The following PHYHD1 variants were observed in gnomAD, a reference collection of about 807,000 sequenced individuals.
PHYHD1 encodes the protein phytanoyl-CoA dioxygenase domain containing 1.
Under a neutral mutation model 43.6 loss-of-function variants are expected in PHYHD1, and 42 were observed. The observed-to-expected ratio is 0.96, with a 90% CI of 0.75 to 1.25. PHYHD1 has a LOEUF of 1.25. Ranked by LOEUF, PHYHD1 falls within the 50% of genes most tolerant of loss-of-function variation. PHYHD1 has a pLI of 0.00. For synonymous variants in PHYHD1, 139 were observed against 143.6 expected (o/e 0.97, Z 0.23); for missense variants, 342 against 370.8 (o/e 0.92, Z 0.64).
chr9:128,935,480 C>T (rs563856282), intron 6 of PHYHD1, among the ~76,000 whole-genome samples: 15 of 148,674 alleles, frequency 1.0e-4, no homozygotes, highest in Admixed American at 2.1e-4. Context: ...AAAAATTAGC[C>T]GGACCTTGTT....
intron 6 of PHYHD1, among the ~76,000 whole-genome samples, chr9:128,934,916 C>T (rs969524110): frequency 2.0e-5 from 3 of 152,124 alleles, no homozygotes; most frequent in Non-Finnish European, 4.4e-5. Flanking sequence ...AGGGGGTCCA[C>T]CTGATCCCCC....
chr9:128,933,894 T>A (rs1473612203), intron 5 of PHYHD1, 37 bp downstream of exon 5: 2 of 1,608,818 alleles, frequency 1.2e-6, no homozygotes, highest in Non-Finnish European at 1.7e-6. Context: ...GGAGGAGCCA[T>A]GGTGAGGGTA....
chr9:128,928,428 C>T (rs562457546), intron 4 of PHYHD1, among the ~76,000 whole-genome samples: 4 of 152,044 alleles, frequency 2.6e-5, no homozygotes, highest in Admixed American at 6.6e-5. Flanking sequence ...ATTGGCCGGG[C>T]GCAGTGACTC....
At chr9:128,930,367 G>C (rs1049123503) in intron 4 of PHYHD1, among the ~76,000 whole-genome samples, 8 of 151,812 alleles carry the variant, frequency 5.3e-5, no homozygotes, top group Non-Finnish European at 8.8e-5. Context: ...CCTGAGCTCA[G>C]GAAGTCAAGG....
chr9:128,930,913 C>T (rs1303754351), intron 4 of PHYHD1, among the ~76,000 whole-genome samples: 2 of 148,012 alleles, frequency 1.4e-5, no homozygotes, highest in African/African-American at 5.0e-5. Context: ...TGGGTCACTG[C>T]ACTCCAGCCT....
intron 6 of PHYHD1, 119 bp from the exon 7 acceptor site, chr9:128,936,329 G>C (rs1354155746): frequency 7.3e-7 from 1 of 1,377,492 alleles, no homozygotes; most frequent in Non-Finnish European, 1.0e-6. Context: ...AAGCAGAAGG[G>C]TTAATGCCTA....
intron 2 of PHYHD1, 75 bp from the exon 3 acceptor site, chr9:128,922,208 T>A: frequency 7.9e-7 from 1 of 1,267,812 alleles, no homozygotes; most frequent in South Asian, 1.3e-5. Flanking sequence ...GAGGGTTGGG[T>A]GGTGGGACCG....
At chr9:128,937,321 C>T (rs966344314) in intron 8 of PHYHD1, among the ~76,000 whole-genome samples, 4 of 152,214 alleles carry the variant, frequency 2.6e-5, no homozygotes, top group Middle Eastern at 3.4e-3. Flanking sequence ...AGGCCTCCCT[C>T]GGCCTTCCTC....
intron 4 of PHYHD1, among the ~76,000 whole-genome samples, chr9:128,928,090 C>T (rs1841181910): frequency 6.6e-6 from 1 of 152,242 alleles, no homozygotes; most frequent in Admixed American, 6.5e-5. Flanking sequence ...CTGGCACTCA[C>T]GCCGAGGAGC....
At chr9:128,928,513 G>A (rs1366083503) in intron 4 of PHYHD1, among the ~76,000 whole-genome samples, 4 of 151,968 alleles carry the variant, frequency 2.6e-5, no homozygotes, top group African/African-American at 9.7e-5. Context: ...GACTAGCCTG[G>A]CCAACATGGT....
intron 9 of PHYHD1, among the ~76,000 whole-genome samples, chr9:128,939,603 A>G (rs1449627853): frequency 1.6e-5 from 2 of 123,796 alleles, no homozygotes; most frequent in African/African-American, 2.6e-5. Flanking sequence ...TAATAATAAT[A>G]ATAAAGAAAT....
At chr9:128,940,814 G>A (rs1841540435) in intron 11 of PHYHD1, 99 bp downstream of exon 11, 6 of 1,217,530 alleles carry the variant, frequency 4.9e-6, no homozygotes, top group Non-Finnish European at 6.9e-6. Context: ...GGGGTCATCT[G>A]AGGGCAGTGA....
At chr9:128,935,442 G>T (rs1841399667) in intron 6 of PHYHD1, among the ~76,000 whole-genome samples, 1 of 150,904 alleles carries the variant, frequency 6.6e-6, no homozygotes, top group Non-Finnish European at 1.5e-5. Context: ...GGCTAACACA[G>T]TGAAACCCTG....
chr9:128,921,943 G>A lies in PHYHD1; in HGVS notation c.-146G>A. 1 of 271,954 alleles carries A rather than the reference G, an allele frequency of 3.7e-6. No individual in the cohort carries two copies. The highest frequency in any genetic ancestry group is 7.0e-6 in the Non-Finnish European group (1 of 142,536). The allele number at this position is 271,954 out of a possible 1,614,324, so 16.8% of individuals were successfully genotyped here. On this transcript the variant is annotated 5_prime_UTR_variant, in exon 2 of 13. Transcript: ENST00000372592. The stretch of plus-strand genomic sequence containing the variant: ...CATTCTATCCAGATTGAGGCCTAGA[G>A]AGAGGCAGGCGTTCCTCAGAGTCAC...
intron 9 of PHYHD1, 192 bp downstream of exon 9, chr9:128,937,970 T>C (rs981027638): frequency 7.5e-6 from 11 of 1,466,930 alleles, no homozygotes; most frequent in South Asian, 2.8e-5. Context: ...GTCCTTGGCA[T>C]AGTGGGTCCT....
In PHYHD1 at chr9:128,923,413, C is replaced by T. The variant is rs193011908; in HGVS notation, c.33+1057C>T. On this transcript the variant is annotated intron_variant, in intron 3 of 12. Transcript: ENST00000372592. ...AATAAAGGAGGCTGTACTGCTATCC[C>T]CGTTTGGTAGCCCGAGGGCCAGAGA... Among the ~76,000 whole-genome samples the T allele has an allele frequency of 6.6e-4, 100 of 152,306 alleles. 1 individual carries two copies. The highest frequency in any genetic ancestry group is 2.2e-3 in the African/African-American group (93 of 41,584).
chr9:128,923,239 C>G lies in PHYHD1; in HGVS notation c.33+883C>G, dbSNP rs141759172. Among the ~76,000 whole-genome samples, 1,141 of 152,202 alleles carry G rather than the reference C, an allele frequency of 7.5e-3. 8 individuals are homozygous for G. Among genetic ancestry groups the G allele is most frequent in the Middle Eastern group, 0.02 (6 of 294 alleles). ...GATTACAGGCGTGAGCCACCGTGCC[C>G]GGTCCTATTTTTATTTTTGCAGAGA... On this transcript the variant is annotated intron_variant, in intron 3 of 12. Coordinates refer to ENST00000372592, the MANE Select transcript of PHYHD1 (RefSeq NM_001100876.2).
intron 9 of PHYHD1, 107 bp from the exon 10 acceptor site, chr9:128,940,262 G>A: frequency 6.7e-7 from 1 of 1,501,568 alleles, no homozygotes; most frequent in Non-Finnish European, 9.0e-7. Flanking sequence ...ATCATGGGAA[G>A]GCTGGCCCTG....
chr9:128,936,322 C>A, intron 6 of PHYHD1, 126 bp from the exon 7 acceptor site: 1 of 1,310,230 alleles, frequency 7.6e-7, no homozygotes, highest in Non-Finnish European at 1.1e-6. Flanking sequence ...TGTAAACAAG[C>A]AGAAGGGTTA....
Sources: allele counts gnomAD v4.1 joint callset (sites outside exome capture counted in the v4.1 genomes callset), GRCh38; gene constraint gnomAD v4.1.1; transcripts MANE v1.5; gene names NCBI Gene and HGNC (gene_info 2026-07-23, HGNC 2026-07-21).